Variants in ARL13B observed in about 807,000 individuals in gnomAD.
ARL13B encodes the protein ADP-ribosylation factor-like protein 13B.
A neutral mutation model predicts 56.1 loss-of-function variants in ARL13B; 36 were observed. That is an observed-to-expected ratio of 0.64 (90% CI 0.49 to 0.85). The LOEUF is 0.85. ARL13B is among the 40% of genes least tolerant of loss of function. The pLI, the probability that ARL13B is intolerant of heterozygous loss-of-function variation, is 0.00. For missense variants in ARL13B, 519 were observed against 507.1 expected, an observed-to-expected ratio of 1.02 and a Z score of -0.23; for synonymous variants, 178 against 171.1, an observed-to-expected ratio of 1.04 and a Z score of -0.32.
rs138910207 is a variant in ARL13B, at chr3:94,015,905, C to T, written c.380+11997C>T. 3.1e-3 allele frequency among the ~76,000 whole-genome samples: 472 copies of T among 152,166 alleles called. 4 individuals are homozygous for T. The highest frequency in any genetic ancestry group is 0.011 in the African/African-American group (450 of 41,532). ...AACATTGGTTTGATTATGCTGATTT[C>T]TCATTCTTAGCATTCTTTTGCAAAG... On this transcript the variant is annotated intron_variant, in intron 3 of 9. Transcript: ENST00000394222.
chr3:93,994,289 C>T (rs2075927262), intron 1 of ARL13B, among the ~76,000 whole-genome samples: 1 of 152,084 alleles, frequency 6.6e-6, no homozygotes, highest in African/African-American at 2.4e-5. Context: ...TTCTCTCTTG[C>T]CCCGAATATA....
chr3:93,999,604 A>G (rs187907668), intron 2 of ARL13B, among the ~76,000 whole-genome samples: 181 of 152,278 alleles, frequency 1.2e-3, no homozygotes, highest in South Asian at 6.4e-3. Flanking sequence ...TAAATGTTCG[A>G]TTAAATTATT....
At chr3:94,047,053 G>T (rs1378376287) in intron 7 of ARL13B, among the ~76,000 whole-genome samples, 1 of 151,910 alleles carries the variant, frequency 6.6e-6, no homozygotes. Context: ...AATAAATATT[G>T]TCTTTATTCA....
intron 7 of ARL13B, among the ~76,000 whole-genome samples, chr3:94,045,260 G>T (rs1261876266): frequency 2.0e-5 from 3 of 151,936 alleles, no homozygotes; most frequent in Non-Finnish European, 2.9e-5. Flanking sequence ...CTCATTAAGA[G>T]TCGTCACCAC....
intron 5 of ARL13B, 42 bp from the exon 6 acceptor site, chr3:94,039,838 C>G (rs772391435): frequency 1.1e-5 from 18 of 1,575,948 alleles, no homozygotes; most frequent in Non-Finnish European, 1.5e-5. Flanking sequence ...TGGTTCAGCA[C>G]TTTCTCAAAG....
At chr3:94,035,297 T>G (rs760235840) in intron 3 of ARL13B, 34 bp from the exon 4 acceptor site, 2 of 1,310,012 alleles carry the variant, frequency 1.5e-6, no homozygotes, top group Non-Finnish European at 2.2e-6. Flanking sequence ...CAATTATATA[T>G]ATGCTGTATA....
chr3:94,016,731 CT>C (rs957149121), intron 3 of ARL13B, among the ~76,000 whole-genome samples: 35 of 151,114 alleles, frequency 2.3e-4, no homozygotes, highest in African/African-American at 8.2e-4. Flanking sequence ...ACTGCAACTT[CT>C]GCCTCCCGGG....
chr3:93,985,680 AT>A (rs1423361813), intron 1 of ARL13B, among the ~76,000 whole-genome samples: 1 of 152,182 alleles, frequency 6.6e-6, no homozygotes, highest in Non-Finnish European at 1.5e-5. Flanking sequence ...TAGTCATCAT[AT>A]TTCAATTTTA....
chr3:94,042,213 T>C (rs1271968642), intron 6 of ARL13B, among the ~76,000 whole-genome samples: 1 of 152,156 alleles, frequency 6.6e-6, no homozygotes, highest in Admixed American at 6.5e-5. Flanking sequence ...GTATTGAATA[T>C]GATGTAGAAA....
intron 3 of ARL13B, among the ~76,000 whole-genome samples, chr3:94,006,289 C>G (rs2076133559): frequency 2.0e-5 from 3 of 152,132 alleles, no homozygotes; most frequent in African/African-American, 7.2e-5. Flanking sequence ...GAGCAAGACT[C>G]TGTTTCAAAA....
At position 94,036,559 on chromosome 3, in the gene ARL13B, G is replaced by A. The variant is rs769511140; in HGVS notation, c.494G>A (p.Cys165Tyr). The A allele has an allele frequency of 6.2e-7, 1 of 1,613,848 alleles. No homozygotes were observed. The highest frequency in any genetic ancestry group is 8.5e-7 in the Non-Finnish European group (1 of 1,179,970). ...EHKCLCQIEP[C>Y]SAISGYGKKI... ...AATAAATTTCTGTTTTAGGAACCAT[G>A]TTCAGCAATCTCGGGGTATGGAAAG... The change falls in exon 5 of 10, where the codon TGT becomes TAT. Residue 165 changes from cysteine (C) to tyrosine (Y), a missense_variant. Cys to Tyr is a radical substitution (Grantham distance 194). Transcript: ENST00000394222.
intron 3 of ARL13B, among the ~76,000 whole-genome samples, chr3:94,015,637 T>G (rs935908328): frequency 6.6e-6 from 1 of 152,158 alleles, no homozygotes; most frequent in Non-Finnish European, 1.5e-5. Context: ...AGTCTTCAGA[T>G]GCCAAAAATG....
Position 94,036,617 on chromosome 3 carries a change from T to C in ARL13B, c.552T>C (p.Tyr184=), listed in dbSNP as rs2076772768. 1.9e-6 allele frequency: 3 copies of C among 1,614,012 alleles called. No individual in the cohort carries two copies. The highest frequency in any genetic ancestry group is 2.5e-6 in the Non-Finnish European group (3 of 1,180,016). The change falls in exon 5 of 10, where the codon TAT becomes TAC. Residue 184 remains tyrosine, a synonymous_variant. Coordinates refer to ENST00000394222, the MANE Select transcript of ARL13B (RefSeq NM_001174150.2). ...ACAAGTCCATTAAAAAAGGCCTTTA[T>C]TGGCTGCTACATGTTATTGCAAGAG... ...KIDKSIKKGL[Y]WLLHVIARDF...
chr3:94,022,473 T>G (rs1203860343), intron 3 of ARL13B, among the ~76,000 whole-genome samples: 5 of 152,120 alleles, frequency 3.3e-5, no homozygotes, highest in African/African-American at 9.7e-5. Flanking sequence ...ATGGAAGATG[T>G]GGATTTAATC....
intron 1 of ARL13B, among the ~76,000 whole-genome samples, chr3:93,987,940 C>T (rs1710549002): frequency 6.6e-6 from 1 of 152,038 alleles, no homozygotes; most frequent in Non-Finnish European, 1.5e-5. Context: ...ACCACTGCAC[C>T]CGGCCTCTTT....
At chr3:94,012,854 C>G (rs1330934790) in intron 3 of ARL13B, among the ~76,000 whole-genome samples, 1 of 152,170 alleles carries the variant, frequency 6.6e-6, no homozygotes, top group African/African-American at 2.4e-5. Context: ...TCTCCCAAAT[C>G]CATTCTAACC....
chr3:93,998,105 A>AT (rs769659957), intron 2 of ARL13B, among the ~76,000 whole-genome samples: 10 of 152,016 alleles, frequency 6.6e-5, no homozygotes, highest in Non-Finnish European at 1.3e-4. Context: ...TTTTCTTTTA[A>AT]TTTTTTTTAG....
At chr3:94,010,067 C>CT (rs942648187) in intron 3 of ARL13B, among the ~76,000 whole-genome samples, 29 of 152,046 alleles carry the variant, frequency 1.9e-4, no homozygotes, top group Non-Finnish European at 2.2e-4. Context: ...ATACTTTGGG[C>CT]TTTTTTTCCA....
At chr3:94,027,440 T>C (rs536174566) in intron 3 of ARL13B, among the ~76,000 whole-genome samples, 21 of 152,218 alleles carry the variant, frequency 1.4e-4, no homozygotes, top group African/African-American at 4.8e-4. Context: ...ATTAAGATCA[T>C]TTTTGTTTAA....
Sources: allele counts gnomAD v4.1 joint callset (sites outside exome capture counted in the v4.1 genomes callset), GRCh38; gene constraint gnomAD v4.1.1; transcripts MANE v1.5; gene names NCBI Gene and HGNC (gene_info 2026-07-23, HGNC 2026-07-21).